Variants in GRID2 observed in about 807,000 individuals in gnomAD.
GRID2 encodes glutamate receptor ionotropic, delta-2.
In GRID2, 33 loss-of-function variants were observed where a neutral mutation model predicts 114.8. That is an observed-to-expected ratio of 0.29 (90% CI 0.22 to 0.38). GRID2 has a LOEUF of 0.38. GRID2 is among the 10% of genes least tolerant of loss of function. GRID2 has a pLI of 1.00. For synonymous variants in GRID2, 505 were observed against 449.9 expected (o/e 1.12, Z -1.55); for missense variants, 1,184 against 1,257.7 (o/e 0.94, Z 0.89).
At chr4:93,051,856 G>A (rs1726751568) in intron 2 of GRID2, among the ~76,000 whole-genome samples, 1 of 151,496 alleles carries the variant, frequency 6.6e-6, no homozygotes. Context: ...TTTTTCCCGA[G>A]TTTTCTTTTG....
intron 1 of GRID2, among the ~76,000 whole-genome samples, chr4:93,805,242 G>T (rs1735007643): frequency 6.6e-6 from 1 of 152,086 alleles, no homozygotes; most frequent in African/African-American, 2.4e-5. Flanking sequence ...GAAATGTTAG[G>T]GACGTATTGA....
intron 13 of GRID2, among the ~76,000 whole-genome samples, chr4:93,516,430 T>C (rs530977985): frequency 2.0e-5 from 3 of 152,262 alleles, no homozygotes; most frequent in Non-Finnish European, 4.4e-5. Flanking sequence ...ATTGATATCA[T>C]TCTTCTGAGA....
At chr4:92,556,638 C>G (rs1726862580) in intron 1 of GRID2, among the ~76,000 whole-genome samples, 1 of 152,040 alleles carries the variant, frequency 6.6e-6, no homozygotes, top group Non-Finnish European at 1.5e-5. Context: ...AAGTTGTCGA[C>G]TGGGGATGTA....
intron 2 of GRID2, among the ~76,000 whole-genome samples, chr4:92,971,843 C>T (rs1030118126): frequency 6.6e-6 from 1 of 152,074 alleles, no homozygotes; most frequent in South Asian, 2.1e-4. Flanking sequence ...CCTCCAGCCT[C>T]ATCCACATTG....
At chr4:92,672,522 A>G (rs1439208849) in intron 2 of GRID2, among the ~76,000 whole-genome samples, 12 of 152,114 alleles carry the variant, frequency 7.9e-5, no homozygotes, top group Admixed American at 7.9e-4. Flanking sequence ...TCTGGTGTAT[A>G]GCTAATAATG....
intron 2 of GRID2, among the ~76,000 whole-genome samples, chr4:92,738,912 C>T (rs1736731739): frequency 6.6e-6 from 1 of 152,152 alleles, no homozygotes; most frequent in South Asian, 2.1e-4. Flanking sequence ...AAGCAGTTCT[C>T]CCATGTTGGC....
intron 9 of GRID2, among the ~76,000 whole-genome samples, chr4:93,420,240 A>G (rs552673309): frequency 1.3e-5 from 2 of 152,316 alleles, no homozygotes; most frequent in South Asian, 4.1e-4. Flanking sequence ...ATATCACAAT[A>G]CAAGCATTAA....
chr4:93,411,490 A>T (rs867502810), intron 9 of GRID2, among the ~76,000 whole-genome samples: 1 of 151,242 alleles, frequency 6.6e-6, no homozygotes, highest in Non-Finnish European at 1.5e-5. Flanking sequence ...GCTGGAGTGC[A>T]ATGCCGTGGT....
At chr4:93,659,163 C>CAA (rs1293034809) in intron 14 of GRID2, among the ~76,000 whole-genome samples, 1 of 136,218 alleles carries the variant, frequency 7.3e-6, no homozygotes. Context: ...TAGAATCAGG[C>CAA]AAAAAAAAAA....
At chr4:93,100,084 A>T (rs919577257) in intron 3 of GRID2, among the ~76,000 whole-genome samples, 6 of 151,936 alleles carry the variant, frequency 3.9e-5, no homozygotes, top group African/African-American at 9.7e-5. Flanking sequence ...TAATCCAAAC[A>T]TCTTATTGAA....
intron 2 of GRID2, among the ~76,000 whole-genome samples, chr4:93,039,636 G>A (rs1056967824): frequency 2.0e-4 from 30 of 152,108 alleles, no homozygotes; most frequent in Admixed American, 4.6e-4. Flanking sequence ...GAGGGCAACA[G>A]TGTCTATAAG....
At chr4:92,406,002 G>C (rs1296328122) in intron 1 of GRID2, among the ~76,000 whole-genome samples, 4 of 152,124 alleles carry the variant, frequency 2.6e-5, no homozygotes, top group Non-Finnish European at 5.9e-5. Context: ...CAATGTTCAA[G>C]GGCAGGAAGT....
intron 2 of GRID2, among the ~76,000 whole-genome samples, chr4:92,624,494 C>T (rs1730425145): frequency 6.6e-6 from 1 of 151,820 alleles, no homozygotes; most frequent in Non-Finnish European, 1.5e-5. Flanking sequence ...CAAGCTATAA[C>T]AGCCAAATAT....
At chr4:93,526,038 T>G (rs1221770830) in intron 13 of GRID2, among the ~76,000 whole-genome samples, 1 of 152,122 alleles carries the variant, frequency 6.6e-6, no homozygotes, top group African/African-American at 2.4e-5. Context: ...ATACCAAAAA[T>G]TAAAAATTAT....
At chr4:92,350,080 G>C (rs1209744096) in intron 1 of GRID2, among the ~76,000 whole-genome samples, 1 of 151,862 alleles carries the variant, frequency 6.6e-6, no homozygotes, top group Non-Finnish European at 1.5e-5. Flanking sequence ...GTGACCGTAG[G>C]TCAGTGCTCA....
At chr4:93,385,789 A>G (rs931338840) in intron 8 of GRID2, among the ~76,000 whole-genome samples, 1 of 152,180 alleles carries the variant, frequency 6.6e-6, no homozygotes, top group African/African-American at 2.4e-5. Context: ...CTTTTCATTA[A>G]CAAACCATTT....
chr4:92,627,012 G>GT (rs1490847901), intron 2 of GRID2, among the ~76,000 whole-genome samples: 1 of 152,036 alleles, frequency 6.6e-6, no homozygotes, highest in African/African-American at 2.4e-5. Flanking sequence ...AATAACTAAG[G>GT]TAAAAACTCA....
chr4:93,695,789 G>A (rs1726966408), intron 14 of GRID2, among the ~76,000 whole-genome samples: 1 of 152,210 alleles, frequency 6.6e-6, no homozygotes, highest in Admixed American at 6.5e-5. Context: ...GCTTCTACAA[G>A]TCACTTAGCC....
At chr4:92,811,875 T>C (rs1440910480) in intron 2 of GRID2, among the ~76,000 whole-genome samples, 1 of 152,124 alleles carries the variant, frequency 6.6e-6, no homozygotes, top group Non-Finnish European at 1.5e-5. Flanking sequence ...TACTTCTTTA[T>C]GCTTAGATTC....
Sources: gnomAD v4.1 joint callset for allele counts (sites outside exome capture counted in the v4.1 genomes callset) on GRCh38, gnomAD v4.1.1 for gene constraint, MANE v1.5 for transcripts, NCBI Gene and HGNC (gene_info 2026-07-23, HGNC 2026-07-21) for gene names.